The following RTKN2 variants were observed in gnomAD, a reference collection of about 807,000 sequenced individuals.
RTKN2 encodes rhotekin-2.
A neutral mutation model predicts 71.5 loss-of-function variants in RTKN2; 69 were observed. That is an observed-to-expected ratio of 0.96 (90% CI 0.79 to 1.18). The LOEUF (loss-of-function observed/expected upper bound fraction) is 1.18, where lower values mean the gene tolerates loss of function less well. Among genes scored for constraint, RTKN2 ranks in the 50% most tolerant of loss-of-function variants. RTKN2 has a pLI of 0.00. For synonymous variants in RTKN2, 236 were observed against 236.5 expected (o/e 1.00, Z 0.02); for missense variants, 724 against 719.7 (o/e 1.01, Z -0.07).
chr10:62,236,030 A>C (rs763573818), intron 6 of RTKN2, 36 bp downstream of exon 6: 3 of 1,362,424 alleles, frequency 2.2e-6, no homozygotes, highest in Non-Finnish European at 3.1e-6. Flanking sequence ...ACAAATGTAT[A>C]ATTATGTCAC....
intron 9 of RTKN2, among the ~76,000 whole-genome samples, chr10:62,210,922 CATA>C (rs1175485348): frequency 6.6e-6 from 1 of 152,056 alleles, no homozygotes; most frequent in Non-Finnish European, 1.5e-5. Flanking sequence ...CCATGTGCTT[CATA>C]ATAATTTTGC....
rs1841311583 is a variant in RTKN2, at chr10:62,195,616, AAGGAAGGAAG to A, written c.*2282_*2291del. The A allele has an allele frequency of 1.2e-5, 1 of 83,888 alleles. No homozygotes were observed. Among genetic ancestry groups the A allele is most frequent in the African/African-American group, 6.1e-5 (1 of 16,352 alleles). 5.2% of individuals were successfully genotyped at this position (83,888 alleles called of 1,614,324 possible). A position where few individuals can be genotyped will look rare whatever the true frequency, so the allele number is the denominator to read the frequency against. ...GACGGACAGAGGGAATGAAGGAAGGAAGGAAGGAAGGAAGGAAGGAAGGAAGGAAGGAAGG... is the reference window on the plus strand; with the variant it reads ...GACGGACAGAGGGAATGAAGGAAGGAGAAGGAAGGAAGGAAGGAAGGAAGG... On this transcript the variant is annotated 3_prime_UTR_variant, in exon 12 of 12. Transcript: ENST00000373789.
At chr10:62,209,168 T>C (rs1841607831) in intron 9 of RTKN2, among the ~76,000 whole-genome samples, 1 of 152,044 alleles carries the variant, frequency 6.6e-6, no homozygotes, top group Non-Finnish European at 1.5e-5. Context: ...CCCGGGAGGC[T>C]GAGGCAGGAG....
At position 62,225,549 on chromosome 10, in the gene RTKN2, T is replaced by C. The variant is rs544708724; in HGVS notation, c.687-2217A>G. ...CTTTTTTTATTTTTCACAGAATGAATCTCCTTCTTCTGGTTATCTACATCA... is the reference window on the plus strand; with the variant it reads ...CTTTTTTTATTTTTCACAGAATGAACCTCCTTCTTCTGGTTATCTACATCA... On this transcript the variant is annotated intron_variant, in intron 6 of 11. Coordinates refer to ENST00000373789, the MANE Select transcript of RTKN2 (RefSeq NM_145307.4). Among the ~76,000 whole-genome samples the C allele has an allele frequency of 7.2e-4, 109 of 152,340 alleles. 1 individual carries two copies. The highest frequency in any genetic ancestry group is 2.5e-3 in the African/African-American group (106 of 41,574).
At chr10:62,228,726 G>A (rs114128595) in intron 6 of RTKN2, among the ~76,000 whole-genome samples, 3 of 152,102 alleles carry the variant, frequency 2.0e-5, no homozygotes, top group African/African-American at 4.8e-5. Context: ...GGGCTCTAGC[G>A]CACAAGTAGA....
chr10:62,238,297 C>T (rs1357168306), intron 5 of RTKN2: 1 of 151,926 alleles, frequency 6.6e-6, no homozygotes, highest in East Asian at 1.9e-4. Flanking sequence ...ACAAAAAGCA[C>T]ATTTTTCAAC....
chr10:62,264,183 G>A (rs568160576), intron 1 of RTKN2, among the ~76,000 whole-genome samples: 1 of 152,254 alleles, frequency 6.6e-6, no homozygotes, highest in South Asian at 2.1e-4. Flanking sequence ...AAGAAAAGAT[G>A]AAAGTTAGGA....
intron 6 of RTKN2, among the ~76,000 whole-genome samples, chr10:62,230,407 C>T (rs1842124236): frequency 1.3e-5 from 2 of 152,096 alleles, no homozygotes; most frequent in South Asian, 4.1e-4. Flanking sequence ...AAACTCCTGA[C>T]TTCAGGTGAT....
intron 2 of RTKN2, among the ~76,000 whole-genome samples, chr10:62,251,395 G>A (rs574039766): frequency 6.6e-6 from 1 of 152,292 alleles, no homozygotes; most frequent in East Asian, 1.9e-4. Context: ...ATAGGGCTTA[G>A]TATTATCTGT....
At chr10:62,184,861 G>A (rs1315529853) in intron 8 of RTKN2, among the ~76,000 whole-genome samples, 1 of 152,142 alleles carries the variant, frequency 6.6e-6, no homozygotes, top group African/African-American at 2.4e-5. Context: ...AACAGGCCTT[G>A]TTAGTTACTG....
intron 6 of RTKN2, among the ~76,000 whole-genome samples, chr10:62,230,560 A>C (rs956657447): frequency 6.6e-6 from 1 of 152,212 alleles, no homozygotes; most frequent in African/African-American, 2.4e-5. Context: ...CATGCAAAGC[A>C]TTGTCATACT....
chr10:62,243,990 T>G (rs139940957), intron 3 of RTKN2, among the ~76,000 whole-genome samples: 49 of 152,302 alleles, frequency 3.2e-4, no homozygotes, highest in African/African-American at 1.2e-3. Flanking sequence ...ATGGTAAATA[T>G]TTGATGTTCA....
At chr10:62,187,006 T>C (rs926902867) in intron 8 of RTKN2, among the ~76,000 whole-genome samples, 3 of 152,246 alleles carry the variant, frequency 2.0e-5, no homozygotes, top group African/African-American at 7.2e-5. Flanking sequence ...AGTCCAAAGC[T>C]TTCTGGGTTC....
chr10:62,216,999 G>A (rs1841782725), intron 9 of RTKN2, 119 bp downstream of exon 9: 3 of 592,376 alleles, frequency 5.1e-6, no homozygotes, highest in Admixed American at 7.4e-5. Context: ...TATTTATGAA[G>A]TAACCTGTTT....
At chr10:62,252,644 C>T (rs1842603091) in intron 2 of RTKN2, among the ~76,000 whole-genome samples, 1 of 148,316 alleles carries the variant, frequency 6.7e-6, no homozygotes, top group Admixed American at 6.8e-5. Flanking sequence ...ATACAATAAG[C>T]TCATTGATCT....
intron 11 of RTKN2, 124 bp downstream of exon 11, chr10:62,199,630 T>C: frequency 1.8e-6 from 1 of 570,308 alleles, no homozygotes; most frequent in East Asian, 2.8e-5. Context: ...AATCAGTCTT[T>C]TTTCATTTAT....
intron 3 of RTKN2, among the ~76,000 whole-genome samples, chr10:62,245,503 A>G (rs558560246): frequency 6.6e-6 from 1 of 152,300 alleles, no homozygotes; most frequent in South Asian, 2.1e-4. Context: ...ACTACAGGCA[A>G]TGAAGAGCAG....
chr10:62,229,876 A>G (rs2132950945), intron 6 of RTKN2, among the ~76,000 whole-genome samples: 1 of 152,336 alleles, frequency 6.6e-6, no homozygotes, highest in South Asian at 2.1e-4. Flanking sequence ...TGAATGACAC[A>G]TAACAATATG....
chr10:62,268,467 C>G, intron 1 of RTKN2, 84 bp downstream of exon 1: 1 of 1,308,052 alleles, frequency 7.6e-7, no homozygotes, highest in Non-Finnish European at 1.1e-6. Flanking sequence ...GAGAGGCTTT[C>G]CCGACTCCTC....
Sources: gnomAD v4.1 joint callset for allele counts (sites outside exome capture counted in the v4.1 genomes callset) on GRCh38, gnomAD v4.1.1 for gene constraint, MANE v1.5 for transcripts, NCBI Gene and HGNC (gene_info 2026-07-23, HGNC 2026-07-21) for gene names.